SESN1: variants seen among roughly 807,000 people sequenced by gnomAD.
SESN1 encodes the protein sestrin-1.
SESN1 carries 30 observed loss-of-function variants against 59.3 expected under a neutral mutation model. The ratio of observed to expected loss-of-function variants is 0.51; its 90% CI spans 0.38 to 0.69. SESN1 has a LOEUF of 0.69. Ranked by LOEUF, SESN1 falls within the 30% of genes least tolerant of loss-of-function variation. The probability of loss-of-function intolerance (pLI) is 0.00; values close to 1 mark genes in which losing one functional copy is unlikely to be tolerated. For synonymous variants in SESN1, 197 were observed against 219.9 expected (o/e 0.90, Z 0.92); for missense variants, 566 against 673.0 (o/e 0.84, Z 1.76).
intron 1 of SESN1, among the ~76,000 whole-genome samples, chr6:109,037,513 A>C (rs187850703): frequency 1.3e-5 from 2 of 152,320 alleles, no homozygotes; most frequent in East Asian, 3.9e-4. Context: ...TTCAGCATCT[A>C]GTCCAATGTG....
At chr6:109,021,545 C>T (rs562505692) in intron 1 of SESN1, among the ~76,000 whole-genome samples, 1 of 151,942 alleles carries the variant, frequency 6.6e-6, no homozygotes, top group Non-Finnish European at 1.5e-5. Context: ...TCAAGCAATT[C>T]TCGTGCCTCA....
At position 109,001,346 on chromosome 6, in the gene SESN1, T is replaced by G. The variant is rs1243042829; in HGVS notation, c.488A>C (p.Tyr163Ser). The change falls in exon 3 of 10, where the codon TAT (tyrosine) becomes TCT (serine). Residue 163 changes from tyrosine to serine, a missense_variant. Tyr to Ser is a moderately radical substitution (Grantham distance 144). Coordinates refer to ENST00000436639, the MANE Select transcript of SESN1 (RefSeq NM_014454.3). ...YLESFLKTQH[Y>S]LLQMDGPLPL... ...TAACGGCCCATCCATTTGCAGTAGA[T>G]AGTGCTGAGTTTTTAAGAAACTTTC... The G allele has an allele frequency of 6.2e-7, 1 of 1,613,776 alleles. No homozygotes were observed. Among genetic ancestry groups the G allele is most frequent in the East Asian group, 2.2e-5 (1 of 44,886 alleles).
intron 1 of SESN1, among the ~76,000 whole-genome samples, chr6:109,047,254 T>C (rs1471814023): frequency 1.0e-3 from 30 of 29,174 alleles, no homozygotes; most frequent in South Asian, 2.1e-3. Context: ...CCGCCCCGTC[T>C]GGGAGGTGAG....
intron 1 of SESN1, among the ~76,000 whole-genome samples, chr6:109,052,540 C>T (rs936120639): frequency 6.6e-6 from 1 of 152,114 alleles, no homozygotes; most frequent in Admixed American, 6.5e-5. Flanking sequence ...TCAATGTTCA[C>T]TTAAAGTTTT....
At chr6:109,068,438 G>T (rs1780871664) in intron 1 of SESN1, among the ~76,000 whole-genome samples, 1 of 152,036 alleles carries the variant, frequency 6.6e-6, no homozygotes, top group Non-Finnish European at 1.5e-5. Context: ...CTGAATAATA[G>T]AACTGGGCTG....
At chr6:109,002,393 A>T in intron 1 of SESN1, 50 bp from the exon 2 acceptor site, 1 of 1,447,110 alleles carries the variant, frequency 6.9e-7, no homozygotes, top group Non-Finnish European at 9.7e-7. Flanking sequence ...AAACAAAATG[A>T]ACTGAGGCTA....
At chr6:109,013,782 C>A (rs1182317490) in intron 1 of SESN1, among the ~76,000 whole-genome samples, 2 of 152,136 alleles carry the variant, frequency 1.3e-5, no homozygotes, top group Admixed American at 6.5e-5. Flanking sequence ...CTTGAAAAAT[C>A]CCCTATTGTC....
At chr6:109,024,744 G>C (rs761818328) in intron 1 of SESN1, among the ~76,000 whole-genome samples, 44 of 152,160 alleles carry the variant, frequency 2.9e-4, no homozygotes, top group Non-Finnish European at 5.0e-4. Flanking sequence ...TTGGTTGTCT[G>C]TCTTTGTGAT....
intron 6 of SESN1, among the ~76,000 whole-genome samples, chr6:108,994,039 C>A (rs1308041145): frequency 1.3e-5 from 2 of 150,568 alleles, no homozygotes; most frequent in African/African-American, 4.9e-5. Flanking sequence ...ACTCAGGAAG[C>A]TGAGGCAGGA....
rs140699408 is a variant in SESN1, at chr6:108,987,878, C to G, written c.1570-248G>C. On this transcript the variant is annotated intron_variant, in intron 9 of 9. Coordinates refer to ENST00000436639, the MANE Select transcript of SESN1 (RefSeq NM_014454.3). The stretch of plus-strand genomic sequence containing the variant: ...GGTGCAGTGGCACGATCTTGGCTCA[C>G]TACAACCTCCACCTCCTGGGTTCAA... 2.2e-3 allele frequency among the ~76,000 whole-genome samples: 334 copies of G among 149,210 alleles called. 1 individual carries two copies. The highest frequency in any genetic ancestry group is 7.9e-3 in the African/African-American group (314 of 39,894).
chr6:109,039,600 T>C (rs1478489884), intron 1 of SESN1, among the ~76,000 whole-genome samples: 2 of 152,218 alleles, frequency 1.3e-5, no homozygotes, highest in Admixed American at 6.5e-5. Flanking sequence ...ACATCTCAAG[T>C]GGAGGGGTCA....
At position 108,997,781 on chromosome 6, in the gene SESN1, A is replaced by C. The variant is rs146664314; in HGVS notation, c.972+732T>G. Among the ~76,000 whole-genome samples the C allele has an allele frequency of 7.7e-3, 1,171 of 152,312 alleles. 21 individuals are homozygous for C. The highest frequency in any genetic ancestry group is 0.027 in the African/African-American group (1,117 of 41,570). On this transcript the variant is annotated intron_variant, in intron 5 of 9. Coordinates refer to ENST00000436639, the MANE Select transcript of SESN1 (RefSeq NM_014454.3). ...CAGATGGCTGTGGTACTGCTTCTAA[A>C]ATTTATTTTTGAAGCATAAAATAAA...
chr6:109,061,152 A>G (rs1780724369), intron 1 of SESN1, among the ~76,000 whole-genome samples: 1 of 152,220 alleles, frequency 6.6e-6, no homozygotes, highest in Admixed American at 6.5e-5. Flanking sequence ...CTAAAATTAA[A>G]GCAACAATAA....
At chr6:109,082,464 G>A (rs555707113) in intron 1 of SESN1, among the ~76,000 whole-genome samples, 4 of 152,242 alleles carry the variant, frequency 2.6e-5, no homozygotes, top group South Asian at 4.1e-4. Flanking sequence ...ACTTAAACCC[G>A]GTCTGACTAA....
chr6:108,991,515 TAC>T (rs1779383603), intron 7 of SESN1, among the ~76,000 whole-genome samples: 1 of 152,212 alleles, frequency 6.6e-6, no homozygotes, highest in Non-Finnish European at 1.5e-5. Context: ...GTGCTGGGAT[TAC>T]ACGTGGGAGC....
intron 5 of SESN1, 137 bp downstream of exon 5, chr6:108,998,376 T>C: frequency 1.1e-6 from 1 of 942,190 alleles, no homozygotes; most frequent in Non-Finnish European, 1.6e-6. Context: ...AAAACCCTAC[T>C]GAATGAATAG....
chr6:109,025,872 CAG>C (rs1326670117), intron 1 of SESN1, among the ~76,000 whole-genome samples: 1 of 149,432 alleles, frequency 6.7e-6, no homozygotes, highest in Non-Finnish European at 1.5e-5. Context: ...AAGGAGAAAA[CAG>C]AAAGAATAGG....
In SESN1 at chr6:108,999,015, T is replaced by C. The variant is rs1779561687; in HGVS notation, c.730-260A>G. Reference sequence around the variant, plus strand: ...TTGACTTAAAATGTAAGAGAATGCATTTTGCTTAAAAGTGGCTGCTGTATT... The same window carrying C: ...TTGACTTAAAATGTAAGAGAATGCACTTTGCTTAAAAGTGGCTGCTGTATT... On this transcript the variant is annotated intron_variant, in intron 4 of 9. Coordinates refer to ENST00000436639, the MANE Select transcript of SESN1 (RefSeq NM_014454.3). 3.6e-5 allele frequency: 10 copies of C among 274,332 alleles called. No homozygotes were observed. In the South Asian group the frequency reaches 6.4e-4, roughly 17 times the overall value. 17.0% of individuals were successfully genotyped at this position (274,332 alleles called of 1,614,324 possible). A position where few individuals can be genotyped will look rare whatever the true frequency, so the allele number is the denominator to read the frequency against.
intron 1 of SESN1, among the ~76,000 whole-genome samples, chr6:109,035,433 C>G (rs1248361583): frequency 6.6e-6 from 1 of 151,470 alleles, no homozygotes; most frequent in Non-Finnish European, 1.5e-5. Context: ...TATAAAAGGT[C>G]GGGAGAAAGC....
Sources: allele counts gnomAD v4.1 joint callset (sites outside exome capture counted in the v4.1 genomes callset), GRCh38; gene constraint gnomAD v4.1.1; transcripts MANE v1.5; gene names NCBI Gene and HGNC (gene_info 2026-07-23, HGNC 2026-07-21).